ABI3BP: variants seen among roughly 807,000 people sequenced by gnomAD.
ABI3BP encodes the protein ABI family member 3 binding protein, also known as target of Nesh-SH3.
In ABI3BP, 216 loss-of-function variants were observed where a neutral mutation model predicts 268.6. The observed-to-expected ratio is 0.80, with a 90% CI of 0.72 to 0.90. The LOEUF is 0.90. Among genes scored for constraint, ABI3BP ranks in the 40% least tolerant of loss-of-function variants. The probability of loss-of-function intolerance (pLI) is 0.00; values close to 1 mark genes in which losing one functional copy is unlikely to be tolerated. For synonymous variants in ABI3BP, 730 were observed against 730.0 expected, an observed-to-expected ratio of 1.00 and a Z score of 0.00; for missense variants, 2,090 against 2,182.4, an observed-to-expected ratio of 0.96 and a Z score of 0.84.
rs777195131 is a variant in ABI3BP at position 100,780,198 on chromosome 3, C to T, written c.4174G>A (p.Ala1392Thr). 5.6e-6 allele frequency: 9 copies of T among 1,612,538 alleles called. No homozygotes were observed. The Admixed American group carries it at 1.5e-4, about 27-fold the overall frequency. ...GNGVGTGVKQ[A>T]PRPSGADRNV... ...CTATCAGCACCTGATGGCCTGGGTG[C>T]TTGCTTGACCCCTATGAGCAGAGAT... Residue 1392 changes from alanine to threonine, a missense_variant, in exon 58 of 68, where the codon GCA becomes ACA. Transcript: ENST00000471714.
At chr3:100,969,280 C>T (rs930271901) in intron 1 of ABI3BP, among the ~76,000 whole-genome samples, 1 of 152,168 alleles carries the variant, frequency 6.6e-6, no homozygotes, top group Admixed American at 6.5e-5. Context: ...ATAGACCAAG[C>T]TCTTCATTTT....
At chr3:100,894,968 CAG>C (rs1561386186) in intron 4 of ABI3BP, among the ~76,000 whole-genome samples, 4 of 51,310 alleles carry the variant, frequency 7.8e-5, no homozygotes, top group East Asian at 1.2e-3. Context: ...AAAAAAAAAA[CAG>C]AAAAAAAAAA....
At position 100,814,603 on chromosome 3, in the gene ABI3BP, T is replaced by G. The variant is rs946215504; in HGVS notation, c.3290-868A>C. 2.6e-5 allele frequency among the ~76,000 whole-genome samples: 4 copies of G among 152,252 alleles called. No homozygotes were observed. The South Asian group carries it at 8.3e-4, about 32-fold the overall frequency. ...TGCTCTATATCTAGAAAACTGTATCTAAGAAAACCTTAGGGTTTCTTCATG... is the reference window on the plus strand; with the variant it reads ...TGCTCTATATCTAGAAAACTGTATCGAAGAAAACCTTAGGGTTTCTTCATG... On this transcript the variant is annotated intron_variant, in intron 44 of 67. Coordinates refer to ENST00000471714, the MANE Select transcript of ABI3BP (RefSeq NM_001375547.2).
intron 4 of ABI3BP, among the ~76,000 whole-genome samples, chr3:100,892,790 G>A (rs1263903963): frequency 6.6e-6 from 1 of 152,210 alleles, no homozygotes; most frequent in Non-Finnish European, 1.5e-5. Context: ...AGAGGGGATT[G>A]TTAAAGACTA....
Position 100,817,496 on chromosome 3 carries a change from C to G in ABI3BP, c.3089-1G>C, listed in dbSNP as rs2098091240. On this transcript the variant is annotated splice_acceptor_variant, in intron 41 of 67. Coordinates refer to ENST00000471714, the MANE Select transcript of ABI3BP (RefSeq NM_001375547.2). LOFTEE classifies it high-confidence loss of function. ...TCAGGTTCAAGGACTGTAGTAACAACTAGACAAAAATAATAAAATAAAGCA... is the reference window on the plus strand; with the variant it reads ...TCAGGTTCAAGGACTGTAGTAACAAGTAGACAAAAATAATAAAATAAAGCA... 1 of 1,473,540 alleles carries G rather than the reference C, an allele frequency of 6.8e-7. No homozygotes were observed. 91.3% of individuals were successfully genotyped at this position (1,473,540 alleles called of 1,614,324 possible).
intron 9 of ABI3BP, among the ~76,000 whole-genome samples, chr3:100,874,177 G>C (rs562564725): frequency 1.3e-5 from 2 of 152,088 alleles, no homozygotes; most frequent in South Asian, 4.1e-4. Flanking sequence ...TCAGTAATTC[G>C]GGAGGTGGGT....
chr3:100,907,779 T>TAATTACCACA (rs1479735043), intron 2 of ABI3BP, among the ~76,000 whole-genome samples: 1 of 144,904 alleles, frequency 6.9e-6, no homozygotes, highest in Non-Finnish European at 1.5e-5. Flanking sequence ...AATACAATAA[T>TAATTACCACA]AAATTATTAC....
In ABI3BP at chr3:100,846,524, C is replaced by T. The variant is rs963119209; in HGVS notation, c.1649-78G>A. The T allele has an allele frequency of 1.3e-5, 14 of 1,044,320 alleles. No individual in the cohort carries two copies. In the African/African-American group the frequency reaches 2.1e-4, roughly 16 times the overall value. The allele number at this position is 1,044,320 out of a possible 1,614,324, so 64.7% of individuals were successfully genotyped here. Reference sequence around the variant, plus strand: ...GTGTCTAAAAACACAGAAGGAAAACCTAGAAATAAACTATACATTAAATGG... The same window carrying T: ...GTGTCTAAAAACACAGAAGGAAAACTTAGAAATAAACTATACATTAAATGG... On this transcript the variant is annotated intron_variant, in intron 19 of 67. Coordinates refer to ENST00000471714, the MANE Select transcript of ABI3BP (RefSeq NM_001375547.2).
chr3:100,946,519 T>G (rs1006856118), intron 1 of ABI3BP, among the ~76,000 whole-genome samples: 2 of 152,054 alleles, frequency 1.3e-5, no homozygotes, highest in African/African-American at 4.8e-5. Context: ...CTGGGTGTGG[T>G]GGCTCACACC....
intron 2 of ABI3BP, among the ~76,000 whole-genome samples, chr3:100,921,708 G>A (rs1187982228): frequency 6.6e-6 from 1 of 152,078 alleles, no homozygotes; most frequent in African/African-American, 2.4e-5. Flanking sequence ...TTCCAAAATG[G>A]CAAAAGGAAG....
chr3:100,813,592 A>G, intron 45 of ABI3BP, 69 bp downstream of exon 45: 1 of 1,197,266 alleles, frequency 8.4e-7, no homozygotes, highest in African/African-American at 1.5e-5. Context: ...TTGGAAATAT[A>G]ACTTAGAGAA....
intron 59 of ABI3BP, 37 bp downstream of exon 59, chr3:100,778,247 A>G (rs2096764014): frequency 6.2e-7 from 1 of 1,601,480 alleles, no homozygotes; most frequent in Non-Finnish European, 8.6e-7. Flanking sequence ...TAAAACCGAA[A>G]TCATGGCGGG....
At chr3:100,898,626 G>T in intron 4 of ABI3BP, 136 bp downstream of exon 4, 1 of 969,810 alleles carries the variant, frequency 1.0e-6, no homozygotes, top group Non-Finnish European at 1.4e-6. Flanking sequence ...CAAGGGCAGG[G>T]CCCCTGACTT....
At chr3:100,784,497 CT>C (rs2096965446) in intron 57 of ABI3BP, among the ~76,000 whole-genome samples, 1 of 152,132 alleles carries the variant, frequency 6.6e-6, no homozygotes, top group Admixed American at 6.5e-5. Context: ...AATAGTAGAA[CT>C]ACCATTCAAC....
intron 59 of ABI3BP, among the ~76,000 whole-genome samples, chr3:100,777,858 T>C (rs981779087): frequency 1.3e-5 from 2 of 152,328 alleles, no homozygotes; most frequent in Admixed American, 1.3e-4. Context: ...ATACCAGGCC[T>C]GGCATGAAGG....
intron 1 of ABI3BP, among the ~76,000 whole-genome samples, chr3:100,939,499 G>A (rs776782988): frequency 1.6e-4 from 24 of 151,968 alleles, no homozygotes; most frequent in Admixed American, 3.9e-4. Context: ...AAGACATCAC[G>A]TGTCGGTAGG....
At chr3:100,984,668 C>G (rs757476581) in intron 1 of ABI3BP, among the ~76,000 whole-genome samples, 7 of 152,106 alleles carry the variant, frequency 4.6e-5, no homozygotes, top group Non-Finnish European at 8.8e-5. Flanking sequence ...CTATAACAAT[C>G]TTGCTGTGGA....
At chr3:100,795,722 T>C in intron 53 of ABI3BP, 82 bp downstream of exon 53, 1 of 1,047,400 alleles carries the variant, frequency 9.5e-7, no homozygotes, top group Non-Finnish European at 1.3e-6. Context: ...GAAATGATGT[T>C]TCAACAGGAT....
At chr3:100,928,294 G>T (rs1461584843) in intron 1 of ABI3BP, among the ~76,000 whole-genome samples, 1 of 151,982 alleles carries the variant, frequency 6.6e-6, no homozygotes, top group Non-Finnish European at 1.5e-5. Flanking sequence ...CTATTGAAAA[G>T]ACTGCATTTA....
Sources: gnomAD v4.1 joint callset for allele counts (sites outside exome capture counted in the v4.1 genomes callset) on GRCh38, gnomAD v4.1.1 for gene constraint, MANE v1.5 for transcripts, NCBI Gene and HGNC (gene_info 2026-07-23, HGNC 2026-07-21) for gene names.